Variants in ITGB1BP1 observed in about 807,000 individuals in gnomAD.
The protein encoded by ITGB1BP1 is integrin beta-1-binding protein 1.
ITGB1BP1 carries 20 observed loss-of-function variants against 28.0 expected under a neutral mutation model. The observed-to-expected ratio is 0.71, with a 90% CI of 0.50 to 1.04. The LOEUF is 1.04. Among genes scored for constraint, ITGB1BP1 ranks in the 50% least tolerant of loss-of-function variants. The pLI is 0.00. For missense variants in ITGB1BP1, 228 were observed against 242.5 expected (o/e 0.94, Z 0.40); for synonymous variants, 103 against 89.5 (o/e 1.15, Z -0.85).
At chr2:9,423,350 CG>C in intron 1 of ITGB1BP1, 22 bp downstream of exon 1, 8 of 1,206,942 alleles carry the variant, frequency 6.6e-6, no homozygotes, top group Non-Finnish European at 8.4e-6. Flanking sequence ...CGGCCCCAAG[CG>C]GGACGAGGGC....
chr2:9,412,242 G>C (rs553948684), intron 4 of ITGB1BP1, 27 bp downstream of exon 4: 2 of 1,585,724 alleles, frequency 1.3e-6, no homozygotes, highest in African/African-American at 1.4e-5. Flanking sequence ...CTCATAACCA[G>C]AGAGTTACGG....
chr2:9,405,545 T>C lies in ITGB1BP1; in HGVS notation c.*1289A>G, dbSNP rs1024931317. ...TTACTTTGGTTGCAGCACAACTGTA[T>C]ATATTGTATAACCGAAATTGATTAT... On this transcript the variant is annotated 3_prime_UTR_variant, in exon 7 of 7. Coordinates refer to ENST00000355346, the MANE Select transcript of ITGB1BP1 (RefSeq NM_004763.5). The C allele has an allele frequency of 6.6e-6, 1 of 152,642 alleles. No individual in the cohort carries two copies. Among genetic ancestry groups the C allele is most frequent in the African/African-American group, 2.4e-5 (1 of 41,458 alleles). The allele number at this position is 152,642 out of a possible 1,614,324, so 9.5% of individuals were successfully genotyped here. A position where few individuals can be genotyped will look rare whatever the true frequency, so the allele number is the denominator to read the frequency against.
At chr2:9,408,360 A>G in intron 4 of ITGB1BP1, 155 bp from the exon 5 acceptor site, 1 of 596,646 alleles carries the variant, frequency 1.7e-6, no homozygotes, top group Non-Finnish European at 3.0e-6. Context: ...TCCCAGAGGC[A>G]GAAGAAACAT....
chr2:9,422,856 A>C, intron 1 of ITGB1BP1: 1 of 986,034 alleles, frequency 1.0e-6, no homozygotes, highest in Non-Finnish European at 1.2e-6. Context: ...AAGCGCCCGA[A>C]GAGTCAGTGA....
At chr2:9,409,912 T>G (rs55793962) in intron 4 of ITGB1BP1, among the ~76,000 whole-genome samples, 22,249 of 148,888 alleles carry the variant, frequency 0.15, 1,995 homozygotes, top group Middle Eastern at 0.3. Context: ...TGGCGCGATC[T>G]CGGCTCACTG....
chr2:9,419,677 G>C (rs1679558423), intron 1 of ITGB1BP1, among the ~76,000 whole-genome samples: 1 of 152,252 alleles, frequency 6.6e-6, no homozygotes, highest in East Asian at 1.9e-4. Flanking sequence ...TACTATACTT[G>C]GCAAATTAAC....
intron 1 of ITGB1BP1, 106 bp from the exon 2 acceptor site, chr2:9,418,838 A>G: frequency 2.6e-6 from 2 of 765,898 alleles, no homozygotes; most frequent in Non-Finnish European, 2.2e-6. Flanking sequence ...GTGCAGTGGC[A>G]CAAACATGGC....
In ITGB1BP1 at chr2:9,412,353, A is replaced by G. The variant is rs1468700218; in HGVS notation, c.204T>C (p.Val68=). Residue 68 remains valine, a synonymous_variant, in exon 4 of 7, where the codon GTT becomes GTC. Coordinates refer to ENST00000355346, the MANE Select transcript of ITGB1BP1 (RefSeq NM_004763.5). The part of the protein sequence containing the change: ...DTCAEFRIKY[V]GAIEKLKLSE... ...AGAGTTTCAGTTTCTCAATGGCACC[A>G]ACATATTTTATTCGAAATTCTGCAC... 1 of 1,612,476 alleles carries G rather than the reference A, an allele frequency of 6.2e-7. No homozygotes were observed.
chr2:9,405,177 T>C lies in ITGB1BP1; in HGVS notation c.*1657A>G, dbSNP rs898016882. 1 of 152,262 alleles carries C rather than the reference T, an allele frequency of 6.6e-6. No homozygotes were observed. The highest frequency in any genetic ancestry group is 6.5e-5 in the Admixed American group (1 of 15,278). The allele number at this position is 152,262 out of a possible 1,614,324, so 9.4% of individuals were successfully genotyped here. A position where few individuals can be genotyped will look rare whatever the true frequency, so the allele number is the denominator to read the frequency against. The stretch of plus-strand genomic sequence containing the variant: ...GGAAATATTTTTCCAGTCTACAATT[T>C]GGTGCTATTGTGCAGTAACTAATAG... On this transcript the variant is annotated 3_prime_UTR_variant, in exon 7 of 7. Coordinates refer to ENST00000355346, the MANE Select transcript of ITGB1BP1 (RefSeq NM_004763.5).
chr2:9,414,464 G>A (rs569675312), intron 2 of ITGB1BP1, among the ~76,000 whole-genome samples: 26 of 152,206 alleles, frequency 1.7e-4, no homozygotes, highest in Middle Eastern at 3.4e-3. Flanking sequence ...CCAACTGTTC[G>A]TTCGTCCCAT....
chr2:9,418,822 G>A, intron 1 of ITGB1BP1, 90 bp from the exon 2 acceptor site: 1 of 901,526 alleles, frequency 1.1e-6, no homozygotes, highest in South Asian at 1.5e-5. Context: ...TCTTACCCAG[G>A]CTGGAGTGCA....
chr2:9,421,365 A>C (rs1384965250), intron 1 of ITGB1BP1, among the ~76,000 whole-genome samples: 1 of 152,326 alleles, frequency 6.6e-6, no homozygotes, highest in Non-Finnish European at 1.5e-5. Context: ...ATCTGCTGCA[A>C]TTTTGATGCA....
intron 3 of ITGB1BP1, chr2:9,412,617 C>G (rs1194293105): frequency 8.8e-6 from 4 of 454,174 alleles, no homozygotes; most frequent in Admixed American, 4.0e-5. Flanking sequence ...ATATAGTATA[C>G]AAAGGTCTCA....
At chr2:9,414,925 A>T (rs970473372) in intron 2 of ITGB1BP1, among the ~76,000 whole-genome samples, 9 of 152,238 alleles carry the variant, frequency 5.9e-5, no homozygotes, top group African/African-American at 2.2e-4. Flanking sequence ...TGTTCCTCAG[A>T]GCTACACTCC....
intron 4 of ITGB1BP1, among the ~76,000 whole-genome samples, chr2:9,408,788 C>T (rs1677910491): frequency 6.6e-6 from 1 of 152,226 alleles, no homozygotes; most frequent in African/African-American, 2.4e-5. Context: ...CGCATTTTTA[C>T]AGCCCACAAC....
rs1679457432 is a variant in ITGB1BP1 at position 9,418,794 on chromosome 2, T to G, written c.-35-62A>C. The G allele has an allele frequency of 9.1e-6, 10 of 1,103,070 alleles. No individual in the cohort carries two copies. In the South Asian group the frequency reaches 1.4e-4, roughly 15 times the overall value. The allele number at this position is 1,103,070 out of a possible 1,614,324, so 68.3% of individuals were successfully genotyped here. A position where few individuals can be genotyped will look rare whatever the true frequency, so the allele number is the denominator to read the frequency against. The stretch of plus-strand genomic sequence containing the variant: ...AAAGCAACTTTTTTTTTTTTTTTTT[T>G]AAGAGACAGAGTCTTGCTCTTACCC... On this transcript the variant is annotated intron_variant, in intron 1 of 6. Transcript: ENST00000355346.
At chr2:9,414,496 G>A (rs894597051) in intron 2 of ITGB1BP1, among the ~76,000 whole-genome samples, 1 of 151,886 alleles carries the variant, frequency 6.6e-6, no homozygotes, top group East Asian at 1.9e-4. Flanking sequence ...GGATAAATGC[G>A]GTGGCAATAT....
intron 4 of ITGB1BP1, 200 bp from the exon 5 acceptor site, chr2:9,408,405 T>A (rs1394225798): frequency 3.8e-6 from 2 of 527,824 alleles, no homozygotes; most frequent in Admixed American, 6.5e-5. Flanking sequence ...TTTTTATTTT[T>A]GAGACAGAGT....
At chr2:9,409,672 A>G (rs1009094578) in intron 4 of ITGB1BP1, among the ~76,000 whole-genome samples, 2 of 152,066 alleles carry the variant, frequency 1.3e-5, no homozygotes, top group African/African-American at 4.8e-5. Context: ...ATAAAACATT[A>G]TAACAAAATG....
Sources: allele counts gnomAD v4.1 joint callset (sites outside exome capture counted in the v4.1 genomes callset), GRCh38; gene constraint gnomAD v4.1.1; transcripts MANE v1.5; gene names NCBI Gene and HGNC (gene_info 2026-07-23, HGNC 2026-07-21).